The following FGD5 variants were observed in gnomAD, a reference collection of about 807,000 sequenced individuals.
The protein encoded by FGD5 is FYVE, RhoGEF and PH domain containing 5, also known as FYVE, RhoGEF and PH domain-containing protein 5.
Under a neutral mutation model 133.4 loss-of-function variants are expected in FGD5, and 28 were observed. The ratio of observed to expected loss-of-function variants is 0.21; its 90% CI spans 0.16 to 0.29. The LOEUF (loss-of-function observed/expected upper bound fraction) is 0.29, where lower values mean the gene tolerates loss of function less well. Ranked by LOEUF, FGD5 falls within the 10% of genes least tolerant of loss-of-function variation. The probability of loss-of-function intolerance (pLI) is 1.00; values close to 1 mark genes in which losing one functional copy is unlikely to be tolerated. For synonymous variants in FGD5, 810 were observed against 776.5 expected, an observed-to-expected ratio of 1.04 and a Z score of -0.72; for missense variants, 1,858 against 1,895.2, an observed-to-expected ratio of 0.98 and a Z score of 0.36.
intron 18 of FGD5, among the ~76,000 whole-genome samples, chr3:14,926,624 T>A (rs1048789806): frequency 5.9e-5 from 9 of 152,222 alleles, no homozygotes; most frequent in African/African-American, 2.2e-4. Context: ...ATAGGGTAAC[T>A]CTAGTAATTC....
At chr3:14,884,665 G>A (rs1216710293) in intron 4 of FGD5, among the ~76,000 whole-genome samples, 1 of 152,182 alleles carries the variant, frequency 6.6e-6, no homozygotes, top group Non-Finnish European at 1.5e-5. Flanking sequence ...GGGCACGGTG[G>A]TGGGAGTTGG....
At chr3:14,895,835 A>G (rs59992025) in intron 4 of FGD5, among the ~76,000 whole-genome samples, 3 of 152,088 alleles carry the variant, frequency 2.0e-5, no homozygotes, top group African/African-American at 7.3e-5. Context: ...CTAAGTGCTG[A>G]TATTAAAGTG....
chr3:14,861,312 G>A (rs2037393145), intron 1 of FGD5, among the ~76,000 whole-genome samples: 1 of 152,168 alleles, frequency 6.6e-6, no homozygotes. Context: ...ACTGAGCACT[G>A]CTGAGGCTTG....
chr3:14,849,421 A>G (rs906548818), intron 1 of FGD5, among the ~76,000 whole-genome samples: 1 of 152,160 alleles, frequency 6.6e-6, no homozygotes, highest in African/African-American at 2.4e-5. Flanking sequence ...GGGTCCAGCC[A>G]TGGGCCATCT....
intron 1 of FGD5, among the ~76,000 whole-genome samples, chr3:14,836,643 G>A (rs984408249): frequency 6.6e-6 from 1 of 152,162 alleles, no homozygotes; most frequent in African/African-American, 2.4e-5. Flanking sequence ...CTCATTTACA[G>A]AGGAGAAACC....
At chr3:14,894,870 C>G (rs980616290) in intron 4 of FGD5, among the ~76,000 whole-genome samples, 3 of 152,072 alleles carry the variant, frequency 2.0e-5, no homozygotes, top group Non-Finnish European at 4.4e-5. Flanking sequence ...TTGCCAACAT[C>G]TGTTATTGCG....
At chr3:14,923,276 T>A in intron 16 of FGD5, 101 bp downstream of exon 16, 1 of 1,461,182 alleles carries the variant, frequency 6.8e-7, no homozygotes, top group Non-Finnish European at 9.1e-7. Flanking sequence ...GAAACCGCTT[T>A]CCCTGGAGGG....
Position 14,847,017 on chromosome 3 carries a change from A to G in FGD5, c.2526-17111A>G, listed in dbSNP as rs545648550. Among the ~76,000 whole-genome samples the G allele has an allele frequency of 4.1e-4, 62 of 152,166 alleles. 1 individual carries two copies. The highest frequency in any genetic ancestry group is 8.2e-4 in the Non-Finnish European group (56 of 68,016). Reference sequence around the variant, plus strand: ...CTCTGTTTTGTGATATGGGAATGATAATAGCCTGCTGGGAGAGTTGTTCCG... The same window carrying G: ...CTCTGTTTTGTGATATGGGAATGATGATAGCCTGCTGGGAGAGTTGTTCCG... On this transcript the variant is annotated intron_variant, in intron 1 of 19. Transcript: ENST00000285046.
rs762200401 is a variant in FGD5 at position 14,820,391 on chromosome 3, G to A, written c.1320G>A (p.Ala440=). 16 of 1,613,904 alleles carry A rather than the reference G, an allele frequency of 9.9e-6. No homozygotes were observed. The highest frequency in any genetic ancestry group is 1.2e-5 in the Non-Finnish European group (14 of 1,179,862). The change falls in exon 1 of 20, where the codon GCG becomes GCA. Residue 440 remains alanine, a synonymous_variant. Transcript: ENST00000285046. ...TGGGAGTGGGCCTGCCCGGTCAGGCGGCCCCTGGAGAAGGAGGGCAGGCTG... is the reference window on the plus strand; with the variant it reads ...TGGGAGTGGGCCTGCCCGGTCAGGCAGCCCCTGGAGAAGGAGGGCAGGCTG... ...YVMGVGLPGQ[A]APGEGGQAAS...
chr3:14,893,546 A>G (rs1014722536), intron 4 of FGD5, among the ~76,000 whole-genome samples: 3 of 151,994 alleles, frequency 2.0e-5, no homozygotes, highest in African/African-American at 4.8e-5. Context: ...CGGAGTCTCA[A>G]TATATTGCCC....
chr3:14,832,288 C>G (rs1477265705), intron 1 of FGD5, among the ~76,000 whole-genome samples: 5 of 152,150 alleles, frequency 3.3e-5, no homozygotes, highest in Admixed American at 1.3e-4. Context: ...ATAGAGCTCT[C>G]CCTGCACCAG....
rs768614779 is a variant in FGD5, at chr3:14,821,616, C to T, written c.2525+20C>T. The T allele has an allele frequency of 6.5e-7, 1 of 1,542,950 alleles. No homozygotes were observed. ...AGAAAGGTACCTGACATTCTATTTC[C>T]TTTCTTGTTCGGCAGCTGTAACTGT... On this transcript the variant is annotated intron_variant, in intron 1 of 19. Coordinates refer to ENST00000285046, the MANE Select transcript of FGD5 (RefSeq NM_152536.4).
At chr3:14,851,264 A>G (rs1450785709) in intron 1 of FGD5, among the ~76,000 whole-genome samples, 2 of 152,186 alleles carry the variant, frequency 1.3e-5, no homozygotes, top group African/African-American at 2.4e-5. Context: ...TGATCCCTAC[A>G]TAGACCCTCA....
chr3:14,844,664 A>T (rs2125088775), intron 1 of FGD5, among the ~76,000 whole-genome samples: 1 of 152,240 alleles, frequency 6.6e-6, no homozygotes. Flanking sequence ...GTTCACTGAC[A>T]GTGTGACTTT....
intron 4 of FGD5, among the ~76,000 whole-genome samples, chr3:14,896,122 A>G (rs998478156): frequency 6.6e-6 from 1 of 152,226 alleles, no homozygotes; most frequent in Non-Finnish European, 1.5e-5. Context: ...ACACTGATGA[A>G]AGAAATTGAA....
At chr3:14,834,636 T>A (rs1026448937) in intron 1 of FGD5, among the ~76,000 whole-genome samples, 1 of 152,200 alleles carries the variant, frequency 6.6e-6, no homozygotes, top group Non-Finnish European at 1.5e-5. Context: ...CAGGTATACA[T>A]ATTTGTAAGT....
chr3:14,864,587 A>T (rs797013575), intron 2 of FGD5, among the ~76,000 whole-genome samples: 10 of 152,240 alleles, frequency 6.6e-5, no homozygotes, highest in African/African-American at 2.2e-4. Context: ...GACCTTGGAC[A>T]CCCTGGGCCT....
rs1231514686 is a variant in FGD5 at position 14,848,250 on chromosome 3, G to A, written c.2526-15878G>A. Among the ~76,000 whole-genome samples, 8 of 152,042 alleles carry A rather than the reference G, an allele frequency of 5.3e-5. No individual in the cohort carries two copies. The East Asian group carries it at 1.5e-3, about 29-fold the overall frequency. Reference sequence around the variant, plus strand: ...GTGGGAGGCAAAAGTCCCACTTCCTGGGCAGCCCTGCCCTTCCCCGCGCCT... The same window carrying A: ...GTGGGAGGCAAAAGTCCCACTTCCTAGGCAGCCCTGCCCTTCCCCGCGCCT... On this transcript the variant is annotated intron_variant, in intron 1 of 19. Coordinates refer to ENST00000285046, the MANE Select transcript of FGD5 (RefSeq NM_152536.4).
At chr3:14,908,165 C>A (rs1039412361) in intron 10 of FGD5, among the ~76,000 whole-genome samples, 2 of 152,130 alleles carry the variant, frequency 1.3e-5, no homozygotes, top group Non-Finnish European at 2.9e-5. Flanking sequence ...AAAAAATGTT[C>A]ATTACCAGTT....
Sources: gnomAD v4.1 joint callset for allele counts (sites outside exome capture counted in the v4.1 genomes callset) on GRCh38, gnomAD v4.1.1 for gene constraint, MANE v1.5 for transcripts, NCBI Gene and HGNC (gene_info 2026-07-23, HGNC 2026-07-21) for gene names.